CXADR: variants seen among roughly 807,000 people sequenced by gnomAD.
CXADR encodes the protein coxsackievirus and adenovirus receptor.
A neutral mutation model predicts 40.3 loss-of-function variants in CXADR; 20 were observed. The ratio of observed to expected loss-of-function variants is 0.50; its 90% confidence interval spans 0.35 to 0.72. CXADR has a LOEUF of 0.72. CXADR is among the 30% of genes least tolerant of loss of function. The probability of loss-of-function intolerance (pLI) is 0.01; values close to 1 mark genes in which losing one functional copy is unlikely to be tolerated. For synonymous variants in CXADR, 150 were observed against 161.3 expected, an observed-to-expected ratio of 0.93 and a Z score of 0.53; for missense variants, 332 against 449.1, an observed-to-expected ratio of 0.74 and a Z score of 2.36.
At chr21:17,592,672 A>T (rs1601072082) in intron 7 of CXADR, among the ~76,000 whole-genome samples, 1 of 151,842 alleles carries the variant, frequency 6.6e-6, no homozygotes. Context: ...GTTAAAAAAA[A>T]TTGATAAAAC....
chr21:17,556,590 T>C (rs2061039464), intron 3 of CXADR, among the ~76,000 whole-genome samples: 1 of 152,226 alleles, frequency 6.6e-6, no homozygotes, highest in Non-Finnish European at 1.5e-5. Flanking sequence ...AAAGGATTTA[T>C]TGGTAGTTTG....
chr21:17,577,683 G>A (rs117489703), intron 7 of CXADR, among the ~76,000 whole-genome samples: 190 of 121,888 alleles, frequency 1.6e-3, no homozygotes, highest in Non-Finnish European at 2.5e-3. Context: ...AGAAACCTTG[G>A]TAAGGAAAAA....
chr21:17,524,601 A>C lies in CXADR; in HGVS notation c.43+11429A>C, dbSNP rs547028969. Reference sequence around the variant, plus strand: ...AAAAAAAAAAAAAAAAAAAAAAAAAAAGCCAGTTAGAGGCTGGGAGTGGTG... The same window carrying C: ...AAAAAAAAAAAAAAAAAAAAAAAAACAGCCAGTTAGAGGCTGGGAGTGGTG... On this transcript the variant is annotated intron_variant, in intron 1 of 6. Transcript: ENST00000284878. Among the ~76,000 whole-genome samples the C allele has an allele frequency of 4.2e-5, 5 of 118,478 alleles. No individual in the cohort carries two copies. In the South Asian group the frequency reaches 1.6e-3, roughly 38 times the overall value. 77.7% of individuals were successfully genotyped at this position (118,478 alleles called of 152,430 possible).
the CXADR span, among the ~76,000 whole-genome samples, chr21:17,604,570 T>C: frequency 1.1e-4 from 16 of 152,310 alleles, no homozygotes; most frequent in African/African-American, 3.4e-4. Context: ...TTAAAGATAA[T>C]AGACACCTAG....
chr21:17,593,580 T>A (rs2061463248), downstream of CXADR: 2 of 164,506 alleles, frequency 1.2e-5, no homozygotes, highest in Admixed American at 1.3e-4. Context: ...ATGTTTTTGC[T>A]ATTTAGTTAA....
chr21:17,565,362 G>A lies in CXADR; in HGVS notation c.834-66G>A. ...TACAGGCTCTTATCCATGATTCATA[G>A]CTTGCATAATTGTAGGTTTTTAGAA... On this transcript the variant is annotated intron_variant, in intron 6 of 6. Coordinates refer to ENST00000284878, the MANE Select transcript of CXADR (RefSeq NM_001338.5). 3.9e-6 allele frequency: 6 copies of A among 1,520,150 alleles called. No individual in the cohort carries two copies. In the South Asian group the frequency reaches 7.4e-5, roughly 19 times the overall value. The allele number at this position is 1,520,150 out of a possible 1,614,324, so 94.2% of individuals were successfully genotyped here. A position where few individuals can be genotyped will look rare whatever the true frequency, so the allele number is the denominator to read the frequency against.
In CXADR at chr21:17,569,801, T is replaced by C. The variant is rs932261385; in HGVS notation, c.*4109T>C. On this transcript the variant is annotated 3_prime_UTR_variant, in exon 7 of 7. Transcript: ENST00000284878. ...CAAAACAGAACTTTGTGTTTTCTGC[T>C]AACTTATTTAATGACACAAGTTTTA... is the stretch of plus-strand genomic sequence containing the variant. 2.3e-5 allele frequency: 23 copies of C among 985,256 alleles called. No homozygotes were observed. The highest frequency in any genetic ancestry group is 2.7e-5 in the Non-Finnish European group (22 of 829,854). The allele number at this position is 985,256 out of a possible 1,614,324, so 61.0% of individuals were successfully genotyped here.
At chr21:17,631,143 A>G in the CXADR span, among the ~76,000 whole-genome samples, 1 of 152,242 alleles carries the variant, frequency 6.6e-6, no homozygotes, top group Non-Finnish European at 1.5e-5. Flanking sequence ...AGTTTGTTAC[A>G]TTAGCACTGT....
the CXADR span, among the ~76,000 whole-genome samples, chr21:17,621,897 T>A: frequency 6.6e-6 from 1 of 152,232 alleles, no homozygotes; most frequent in African/African-American, 2.4e-5. Context: ...CAAGTTGTAT[T>A]ATGAATTAAA....
chr21:17,541,280 C>G (rs757099103), intron 1 of CXADR, among the ~76,000 whole-genome samples: 2 of 152,074 alleles, frequency 1.3e-5, no homozygotes, highest in Non-Finnish European at 2.9e-5. Context: ...CGGCTGGGCG[C>G]GGTGGCTCAC....
chr21:17,635,709 A>G, the CXADR span, among the ~76,000 whole-genome samples: 1 of 152,136 alleles, frequency 6.6e-6, no homozygotes, highest in African/African-American at 2.4e-5. Flanking sequence ...TAAGAAAACC[A>G]CACACACACA....
chr21:17,612,474 C>A, the CXADR span: 2 of 152,220 alleles, frequency 1.3e-5, no homozygotes, highest in Admixed American at 6.5e-5. Context: ...CAGGCGCCCG[C>A]CGAGGGTCCC....
rs2061224549 is a variant in CXADR, at chr21:17,567,442, T to C, written c.*1750T>C. 1.3e-5 allele frequency: 13 copies of C among 985,352 alleles called. No individual in the cohort carries two copies. The highest frequency in any genetic ancestry group is 1.1e-5 in the Non-Finnish European group (9 of 829,852). 61.0% of individuals were successfully genotyped at this position (985,352 alleles called of 1,614,324 possible). A position where few individuals can be genotyped will look rare whatever the true frequency, so the allele number is the denominator to read the frequency against. On this transcript the variant is annotated 3_prime_UTR_variant, in exon 7 of 7. Transcript: ENST00000284878. ...GGTAATTTAATTTCTATTATGAATT[T>C]CTGGTGCCTATGAGCTAGCTATCAC...
At chr21:17,613,670 TC>T in the CXADR span, 2 of 152,210 alleles carry the variant, frequency 1.3e-5, no homozygotes, top group Non-Finnish European at 1.5e-5. Flanking sequence ...CTCAAGGACT[TC>T]CCAGATGCAA....
At chr21:17,551,582 G>A (rs1238226686) in intron 2 of CXADR, among the ~76,000 whole-genome samples, 167 bp from the exon 3 acceptor site, 3 of 152,044 alleles carry the variant, frequency 2.0e-5, no homozygotes, top group African/African-American at 4.8e-5. Flanking sequence ...CCATTTTCTC[G>A]TTCTGTGGTT....
At chr21:17,523,132 C>T (rs1444392269) in intron 1 of CXADR, among the ~76,000 whole-genome samples, 1 of 152,164 alleles carries the variant, frequency 6.6e-6, no homozygotes, top group African/African-American at 2.4e-5. Flanking sequence ...ACCCTGTCCT[C>T]CAGGCACATC....
intron 7 of CXADR, among the ~76,000 whole-genome samples, chr21:17,585,684 A>T (rs530980353): frequency 2.8e-4 from 42 of 151,992 alleles, no homozygotes; most frequent in Non-Finnish European, 5.3e-4. Context: ...CGCCCAGCTA[A>T]TTTTTTTGTA....
chr21:17,580,222 C>T (rs892999179), intron 7 of CXADR, among the ~76,000 whole-genome samples: 39 of 152,212 alleles, frequency 2.6e-4, no homozygotes, highest in African/African-American at 8.7e-4. Context: ...TAAGTATGTT[C>T]TCCTAGACAA....
intron 7 of CXADR, among the ~76,000 whole-genome samples, chr21:17,584,842 CAA>C (rs1388373905): frequency 6.6e-6 from 1 of 152,198 alleles, no homozygotes; most frequent in Admixed American, 6.5e-5. Context: ...AACAAACAAA[CAA>C]AAACTCAAAT....
Sources: allele counts gnomAD v4.1 joint callset (sites outside exome capture counted in the v4.1 genomes callset), GRCh38; gene constraint gnomAD v4.1.1; transcripts MANE v1.5; gene names NCBI Gene and HGNC (gene_info 2026-07-23, HGNC 2026-07-21).